The following CCDC141 variants were observed in gnomAD, a reference collection of about 807,000 sequenced individuals.
CCDC141 encodes coiled-coil domain containing 141.
CCDC141 carries 168 observed loss-of-function variants against 181.0 expected under a neutral mutation model. That is an observed-to-expected ratio of 0.93 (90% CI 0.82 to 1.05). The LOEUF (loss-of-function observed/expected upper bound fraction) is 1.05, where lower values mean the gene tolerates loss of function less well. Ranked by LOEUF, CCDC141 falls within the 50% of genes least tolerant of loss-of-function variation. The pLI, the probability that CCDC141 is intolerant of heterozygous loss-of-function variation, is 0.00. For missense variants in CCDC141, 1,902 were observed against 1,788.5 expected (o/e 1.06, Z -1.14); for synonymous variants, 666 against 642.3 (o/e 1.04, Z -0.56).
intron 2 of CCDC141, among the ~76,000 whole-genome samples, chr2:179,020,067 T>C (rs946816760): frequency 1.3e-5 from 2 of 152,078 alleles, no homozygotes; most frequent in African/African-American, 4.8e-5. Context: ...GAAAGATCAT[T>C]TGATAGATAA....
chr2:178,951,831 C>T (rs1216179478), intron 5 of CCDC141, among the ~76,000 whole-genome samples: 1 of 152,180 alleles, frequency 6.6e-6, no homozygotes, highest in Non-Finnish European at 1.5e-5. Flanking sequence ...TTAGAAGCAA[C>T]CGCAGAGCCT....
rs2043618693 is a variant in CCDC141 at position 179,049,776 on chromosome 2, T to C, written c.102+64A>G. On this transcript the variant is annotated intron_variant, in intron 1 of 23. Transcript: ENST00000443758. ...CCTGCCGATTGCATGGAATGTTCTT[T>C]AGGGTTTTCAACACACAGCTAGAAG... The C allele has an allele frequency of 2.0e-6, 3 of 1,523,862 alleles. No individual in the cohort carries two copies. The South Asian group carries it at 3.6e-5, about 18-fold the overall frequency. 94.4% of individuals were successfully genotyped at this position (1,523,862 alleles called of 1,614,324 possible). A position where few individuals can be genotyped will look rare whatever the true frequency, so the allele number is the denominator to read the frequency against.
chr2:179,041,622 A>G (rs1336600567), intron 2 of CCDC141, among the ~76,000 whole-genome samples: 1 of 151,682 alleles, frequency 6.6e-6, no homozygotes, highest in East Asian at 1.9e-4. Flanking sequence ...CAGAATGGCA[A>G]GCGGGATAAA....
Position 178,991,618 on chromosome 2 carries a change from T to G in CCDC141, c.226-12943A>C, listed in dbSNP as rs190245486. On this transcript the variant is annotated intron_variant, in intron 2 of 23. Coordinates refer to ENST00000443758, the MANE Select transcript of CCDC141 (RefSeq NM_173648.4). The stretch of plus-strand genomic sequence containing the variant: ...TAGATTGAAGGAATAAGCCTTAGTG[T>G]TTGATAGTAGAGTGACTATAGTTAA... 3.4e-3 allele frequency among the ~76,000 whole-genome samples: 521 copies of G among 152,164 alleles called. 4 individuals carry two copies. The highest frequency in any genetic ancestry group is 0.012 in the African/African-American group (485 of 41,534).
intron 11 of CCDC141, among the ~76,000 whole-genome samples, chr2:178,880,977 C>G (rs1686576221): frequency 6.6e-6 from 1 of 152,130 alleles, no homozygotes; most frequent in Non-Finnish European, 1.5e-5. Flanking sequence ...GTTTGGAGCT[C>G]ATGACAGTTG....
intron 2 of CCDC141, among the ~76,000 whole-genome samples, chr2:179,015,915 C>CAT (rs1559050908): frequency 7.4e-6 from 1 of 134,838 alleles, no homozygotes; most frequent in Non-Finnish European, 1.6e-5. Context: ...ATATATATCT[C>CAT]ATATATATCA....
At chr2:178,903,307 C>T (rs1363997009) in intron 8 of CCDC141, among the ~76,000 whole-genome samples, 15 of 151,692 alleles carry the variant, frequency 9.9e-5, no homozygotes, top group South Asian at 8.4e-4. Context: ...CACATGCACA[C>T]GTATGTTTAC....
chr2:178,842,897 C>T (rs1561626759), intron 22 of CCDC141, among the ~76,000 whole-genome samples: 2 of 152,114 alleles, frequency 1.3e-5, no homozygotes, highest in Non-Finnish European at 2.9e-5. Flanking sequence ...CACTAATTTT[C>T]TTCCCAATTT....
chr2:178,979,936 T>C (rs1691291975), intron 2 of CCDC141, among the ~76,000 whole-genome samples: 1 of 152,140 alleles, frequency 6.6e-6, no homozygotes, highest in African/African-American at 2.4e-5. Context: ...TCAGATAAAA[T>C]ACGTAGTATT....
At chr2:178,841,321 T>C (rs933894762) in intron 22 of CCDC141, among the ~76,000 whole-genome samples, 1 of 152,226 alleles carries the variant, frequency 6.6e-6, no homozygotes, top group African/African-American at 2.4e-5. Context: ...GCATCATAAG[T>C]GTGTTTATCA....
At chr2:178,893,476 C>A (rs1687253184) in intron 8 of CCDC141, among the ~76,000 whole-genome samples, 1 of 152,112 alleles carries the variant, frequency 6.6e-6, no homozygotes, top group South Asian at 2.1e-4. Flanking sequence ...AAGCACTTGA[C>A]AGCTTACTCT....
rs2154365281 is a variant in CCDC141, at chr2:178,832,261, T to A, written c.*1912A>T. 1 of 152,116 alleles carries A rather than the reference T, an allele frequency of 6.6e-6. No individual in the cohort carries two copies. The highest frequency in any genetic ancestry group is 6.5e-5 in the Admixed American group (1 of 15,276). 9.4% of individuals were successfully genotyped at this position (152,116 alleles called of 1,614,324 possible). ...CGGCTATGGTGGCTCATACCTGTAA[T>A]CCTGGCACTTTGGGAGGCTGAGGCC... On this transcript the variant is annotated 3_prime_UTR_variant, in exon 24 of 24. Coordinates refer to ENST00000443758, the MANE Select transcript of CCDC141 (RefSeq NM_173648.4).
At position 178,829,985 on chromosome 2, in the gene CCDC141, A is replaced by G. The variant is rs1402303934; in HGVS notation, c.*4188T>C. Reference sequence around the variant, plus strand: ...GGATTTGGCTTTCTTTATATTTACAAGTTTGTATGAAATACTGGTTTCAAA... The same window carrying G: ...GGATTTGGCTTTCTTTATATTTACAGGTTTGTATGAAATACTGGTTTCAAA... On this transcript the variant is annotated 3_prime_UTR_variant, in exon 24 of 24. Coordinates refer to ENST00000443758, the MANE Select transcript of CCDC141 (RefSeq NM_173648.4). The G allele has an allele frequency of 4.6e-5, 7 of 152,202 alleles. No individual in the cohort carries two copies. The highest frequency in any genetic ancestry group is 1.7e-4 in the African/African-American group (7 of 41,460). The allele number at this position is 152,202 out of a possible 1,614,324, so 9.4% of individuals were successfully genotyped here.
At chr2:178,957,142 G>A (rs1407414866) in intron 5 of CCDC141, among the ~76,000 whole-genome samples, 1 of 152,094 alleles carries the variant, frequency 6.6e-6, no homozygotes, top group African/African-American at 2.4e-5. Context: ...CAAAGTGCTG[G>A]GATTACAGTC....
chr2:178,985,991 A>T (rs965618502), intron 2 of CCDC141, among the ~76,000 whole-genome samples: 11 of 152,240 alleles, frequency 7.2e-5, no homozygotes, highest in Non-Finnish European at 1.5e-4. Flanking sequence ...TTCGGATACC[A>T]AAGCCGGGCA....
chr2:178,884,239 G>GAAAA (rs59431193), intron 11 of CCDC141, among the ~76,000 whole-genome samples: 1 of 113,622 alleles, frequency 8.8e-6, no homozygotes. Context: ...ATAATGTGAA[G>GAAAA]AAAAAAAAAA....
At chr2:178,962,554 C>T (rs1001062845) in intron 4 of CCDC141, among the ~76,000 whole-genome samples, 7 of 152,086 alleles carry the variant, frequency 4.6e-5, no homozygotes, top group Admixed American at 2.6e-4. Flanking sequence ...TTAGCCACAG[C>T]GATCTTTTCT....
At chr2:178,881,862 T>TC (rs892904579) in intron 11 of CCDC141, among the ~76,000 whole-genome samples, 5 of 149,072 alleles carry the variant, frequency 3.4e-5, no homozygotes, top group Non-Finnish European at 7.4e-5. Flanking sequence ...GCCACTGCAC[T>TC]CCAGCCTGGG....
intron 12 of CCDC141, chr2:178,873,191 G>A (rs1382003627): frequency 1.3e-5 from 2 of 151,816 alleles, no homozygotes; most frequent in African/African-American, 4.8e-5. Flanking sequence ...ATACTTAACA[G>A]GATATTTTAA....
Sources: allele counts gnomAD v4.1 joint callset (sites outside exome capture counted in the v4.1 genomes callset), GRCh38; gene constraint gnomAD v4.1.1; transcripts MANE v1.5; gene names NCBI Gene and HGNC (gene_info 2026-07-23, HGNC 2026-07-21).